Variants in EFCAB8 observed in about 807,000 individuals in gnomAD.
The protein encoded by EFCAB8 is EF-hand calcium binding domain 8, also known as EF-hand calcium-binding domain-containing protein 8.
A neutral mutation model predicts 116.3 loss-of-function variants in EFCAB8; 100 were observed. The observed-to-expected ratio is 0.86, with a 90% CI of 0.73 to 1.02. EFCAB8 has a LOEUF of 1.02. Among genes scored for constraint, EFCAB8 ranks in the 50% least tolerant of loss-of-function variants. EFCAB8 has a pLI of 0.00. For synonymous variants in EFCAB8, 558 were observed against 567.9 expected, an observed-to-expected ratio of 0.98 and a Z score of 0.25; for missense variants, 1,320 against 1,416.9, an observed-to-expected ratio of 0.93 and a Z score of 1.10.
At position 32,915,463 on chromosome 20, in the gene EFCAB8, C is replaced by A. The variant is rs370858830; in HGVS notation, c.1857-1838C>A. On this transcript the variant is annotated intron_variant, in intron 17 of 26. Transcript: ENST00000400522. ...CGATAACATGTTTCTCATTTCTTCA[C>A]CAGAGACTTCACCAGAATGGTCTTT... 4.6e-5 allele frequency among the ~76,000 whole-genome samples: 7 copies of A among 152,274 alleles called. No individual in the cohort carries two copies. The South Asian group carries it at 6.2e-4, about 14-fold the overall frequency.
intron 13 of EFCAB8, 118 bp from the exon 14 acceptor site, chr20:32,908,157 A>G: frequency 1.0e-6 from 1 of 983,886 alleles, no homozygotes; most frequent in Non-Finnish European, 1.3e-6. Context: ...GTGTGTTAGA[A>G]GTGCTTGGAC....
chr20:32,862,922 T>G (rs1984187826), intron 1 of EFCAB8, among the ~76,000 whole-genome samples: 1 of 152,178 alleles, frequency 6.6e-6, no homozygotes, highest in Admixed American at 6.5e-5. Flanking sequence ...TATGAGCCAC[T>G]GCACCTGGCC....
At chr20:32,867,017 G>T (rs188771713) in intron 2 of EFCAB8, among the ~76,000 whole-genome samples, 1 of 151,648 alleles carries the variant, frequency 6.6e-6, no homozygotes, top group South Asian at 2.1e-4. Context: ...TCCTGGGTTC[G>T]AGTGATTCTC....
chr20:32,939,127 CTTTCTTTCTTTCTTTCTTT>C (rs1568941483), intron 22 of EFCAB8, among the ~76,000 whole-genome samples: 1,464 of 34,540 alleles, frequency 0.042, 154 homozygotes, highest in African/African-American at 0.084. Flanking sequence ...CTTTCTTTCT[CTTTCTTTCTTTCTTTCTTT>C]CTTTCTTTCT....
rs767876925 is a variant in EFCAB8 at position 32,912,775 on chromosome 20, T to C, written c.1786-19T>C. On this transcript the variant is annotated intron_variant, in intron 16 of 26. Coordinates refer to ENST00000400522, the MANE Select transcript of EFCAB8 (RefSeq NM_001143967.2). ...TCTCTGATAAGTTTTCTAGTTCTGT[T>C]TTCTTTCATCTTCAACAGATTAGTG... is the stretch of plus-strand genomic sequence containing the variant. 3 of 718,462 alleles carry C rather than the reference T, an allele frequency of 4.2e-6. No homozygotes were observed. The allele number at this position is 718,462 out of a possible 1,614,324, so 44.5% of individuals were successfully genotyped here. A position where few individuals can be genotyped will look rare whatever the true frequency, so the allele number is the denominator to read the frequency against.
At chr20:32,956,915 CTT>C (rs1244962384) in intron 23 of EFCAB8, among the ~76,000 whole-genome samples, 2 of 148,242 alleles carry the variant, frequency 1.3e-5, no homozygotes, top group Middle Eastern at 3.3e-3. Flanking sequence ...GACTATTTGA[CTT>C]TGTCTCATAG....
intron 1 of EFCAB8, among the ~76,000 whole-genome samples, chr20:32,861,041 T>A (rs1184926562): frequency 6.6e-6 from 1 of 152,168 alleles, no homozygotes; most frequent in African/African-American, 2.4e-5. Context: ...CTGGCCTGCA[T>A]CGTGCTTTTC....
chr20:32,944,096 A>G (rs1046215751), intron 23 of EFCAB8, among the ~76,000 whole-genome samples: 8 of 152,224 alleles, frequency 5.3e-5, no homozygotes, highest in African/African-American at 1.9e-4. Flanking sequence ...CATTGTATAT[A>G]AAGAAAAACA....
At chr20:32,883,246 C>T (rs1349643697) in intron 5 of EFCAB8, among the ~76,000 whole-genome samples, 1 of 152,170 alleles carries the variant, frequency 6.6e-6, no homozygotes, top group Non-Finnish European at 1.5e-5. Flanking sequence ...TTATATCCTT[C>T]AGTCGTAGGG....
intron 19 of EFCAB8, among the ~76,000 whole-genome samples, chr20:32,919,091 A>C (rs11699245): frequency 0.021 from 3,187 of 152,200 alleles, 47 homozygotes; most frequent in Non-Finnish European, 0.033. Flanking sequence ...TTTTGCGGGG[A>C]GTAGGGAGAA....
intron 11 of EFCAB8, among the ~76,000 whole-genome samples, chr20:32,898,959 G>A (rs1359882542): frequency 6.6e-6 from 1 of 152,210 alleles, no homozygotes; most frequent in Non-Finnish European, 1.5e-5. Flanking sequence ...ACTTCCTGAA[G>A]GGTTGCATGA....
At chr20:32,861,178 T>C (rs1326385071) in intron 1 of EFCAB8, among the ~76,000 whole-genome samples, 2 of 152,252 alleles carry the variant, frequency 1.3e-5, no homozygotes, top group African/African-American at 2.4e-5. Context: ...GGTTCACTTT[T>C]GGTTTTTGCT....
At chr20:32,867,787 G>A (rs1225392220) in intron 3 of EFCAB8, 40 bp downstream of exon 3, 18 of 1,542,838 alleles carry the variant, frequency 1.2e-5, no homozygotes, top group Non-Finnish European at 1.6e-5. Context: ...TGTGAGTTCT[G>A]CAACAGGGCA....
chr20:32,902,023 C>T (rs990191978), intron 11 of EFCAB8, among the ~76,000 whole-genome samples: 21 of 152,158 alleles, frequency 1.4e-4, no homozygotes, highest in African/African-American at 5.1e-4. Flanking sequence ...TTAATATTTT[C>T]ATTATAAAAT....
Position 32,961,517 on chromosome 20 carries a change from A to G in EFCAB8, c.3775A>G (p.Lys1259Glu). The G allele has an allele frequency of 2.1e-6, 3 of 1,425,834 alleles. No homozygotes were observed. The highest frequency in any genetic ancestry group is 1.8e-6 in the Non-Finnish European group (2 of 1,086,818). 88.3% of individuals were successfully genotyped at this position (1,425,834 alleles called of 1,614,324 possible). A position where few individuals can be genotyped will look rare whatever the true frequency, so the allele number is the denominator to read the frequency against. Residue 1259 changes from lysine (K) to glutamate (E), a missense_variant, in exon 27 of 27, where the codon AAG becomes GAG. Coordinates refer to ENST00000400522, the MANE Select transcript of EFCAB8 (RefSeq NM_001143967.2). ...CACCCTGCAGGGGTCAGTGACCCCCAAGCACATTGTCTCCTCCTTCGAGCG... is the reference window on the plus strand; with the variant it reads ...CACCCTGCAGGGGTCAGTGACCCCCGAGCACATTGTCTCCTCCTTCGAGCG... ...KSTLQGSVTP[K>E]HIVSSFERPP...
At chr20:32,925,576 C>T (rs1385843736) in intron 20 of EFCAB8, among the ~76,000 whole-genome samples, 1 of 152,226 alleles carries the variant, frequency 6.6e-6, no homozygotes, top group Non-Finnish European at 1.5e-5. Flanking sequence ...TTGTCTCGAA[C>T]TCCTGGCCTC....
chr20:32,888,314 C>T (rs1340293301), intron 6 of EFCAB8, among the ~76,000 whole-genome samples: 3 of 152,186 alleles, frequency 2.0e-5, no homozygotes, highest in South Asian at 2.1e-4. Context: ...CAGCCTCTGC[C>T]TCCCGGGTTC....
At chr20:32,891,178 C>T (rs144909370) in intron 7 of EFCAB8, among the ~76,000 whole-genome samples, 1,960 of 152,244 alleles carry the variant, frequency 0.013, 54 homozygotes, top group African/African-American at 0.044. Flanking sequence ...GGCACAATCT[C>T]GGCTCACTGC....
intron 4 of EFCAB8, among the ~76,000 whole-genome samples, 182 bp downstream of exon 4, chr20:32,876,226 A>C (rs1232626382): frequency 6.6e-6 from 1 of 152,118 alleles, no homozygotes; most frequent in African/African-American, 2.4e-5. Context: ...GTGTGAGCTG[A>C]GTTCCTGGCA....
Sources: gnomAD v4.1 joint callset for allele counts (sites outside exome capture counted in the v4.1 genomes callset) on GRCh38, gnomAD v4.1.1 for gene constraint, MANE v1.5 for transcripts, NCBI Gene and HGNC (gene_info 2026-07-23, HGNC 2026-07-21) for gene names.